FAM120C: variants seen among roughly 807,000 people sequenced by gnomAD.
FAM120C encodes the protein constitutive coactivator of PPAR-gamma-like protein 2.
Under a neutral mutation model 71.2 loss-of-function variants are expected in FAM120C, and 14 were observed. The observed-to-expected ratio is 0.20, with a 90% CI of 0.13 to 0.31. The LOEUF (loss-of-function observed/expected upper bound fraction) is 0.31, where lower values mean the gene tolerates loss of function less well. Among genes scored for constraint, FAM120C ranks in the 10% least tolerant of loss-of-function variants. The probability of loss-of-function intolerance (pLI) is 1.00; values close to 1 mark genes in which losing one functional copy is unlikely to be tolerated. For missense variants in FAM120C, 500 were observed against 879.0 expected, an observed-to-expected ratio of 0.57 and a Z score of 5.45; for synonymous variants, 354 against 353.2, an observed-to-expected ratio of 1.00 and a Z score of -0.03.
At chrX:54,137,231 G>A (rs1557130740) in intron 4 of FAM120C, among the ~76,000 whole-genome samples, 1 of 111,607 alleles carries the variant, frequency 9.0e-6, no homozygotes, top group African/African-American at 3.3e-5. Context: ...GGGATTACAG[G>A]CGTAAGCCAC....
chrX:54,080,696 C>T (rs2066760041), intron 14 of FAM120C, among the ~76,000 whole-genome samples: 1 of 109,205 alleles, frequency 9.2e-6, no homozygotes, highest in Non-Finnish European at 1.9e-5. Context: ...CCCATCTCTA[C>T]TAAAATACAA....
intron 13 of FAM120C, among the ~76,000 whole-genome samples, chrX:54,083,254 T>C (rs782355045): frequency 1.2e-4 from 13 of 110,613 alleles, no homozygotes; most frequent in Non-Finnish European, 2.5e-4. Context: ...AATTTTAGTT[T>C]ATGACAAGAA....
intron 10 of FAM120C, among the ~76,000 whole-genome samples, chrX:54,109,537 C>T (rs1415735176): frequency 1.9e-5 from 2 of 107,839 alleles, no homozygotes; most frequent in Admixed American, 1.0e-4. Context: ...ATCACTTTAG[C>T]GTAGGAGGTG....
At chrX:54,138,523 A>G (rs1455656509) in intron 4 of FAM120C, among the ~76,000 whole-genome samples, 2 of 97,720 alleles carry the variant, frequency 2.0e-5, no homozygotes, top group Non-Finnish European at 4.1e-5. Context: ...AAAAGAGTAC[A>G]TATAAAGTTC....
chrX:54,073,848 C>A (rs1369624113), intron 15 of FAM120C, among the ~76,000 whole-genome samples: 1 of 111,182 alleles, frequency 9.0e-6, no homozygotes, highest in Non-Finnish European at 1.9e-5. Flanking sequence ...TTTTTTTATA[C>A]AGGGTCTTGC....
intron 4 of FAM120C, among the ~76,000 whole-genome samples, chrX:54,139,413 T>C (rs1375201043): frequency 9.3e-6 from 1 of 107,501 alleles, no homozygotes; most frequent in Non-Finnish European, 1.9e-5. Flanking sequence ...TGGCACAATC[T>C]CGGCTCACTG....
chrX:54,080,787 C>T (rs1196685168), intron 14 of FAM120C, among the ~76,000 whole-genome samples: 25 of 103,113 alleles, frequency 2.4e-4, no homozygotes, highest in African/African-American at 6.1e-4. Flanking sequence ...GCTTGAACCC[C>T]GGAGGTGGAG....
intron 3 of FAM120C, among the ~76,000 whole-genome samples, chrX:54,155,081 G>A (rs1443377554): frequency 9.0e-6 from 1 of 111,483 alleles, no homozygotes; most frequent in Admixed American, 9.6e-5. Flanking sequence ...GCATGTGCCT[G>A]TAGTCCCAGC....
Position 54,112,831 on chromosome X carries a change from A to G in FAM120C, c.2312+3714T>C, listed in dbSNP as rs1247480435. Among the ~76,000 whole-genome samples the G allele has an allele frequency of 1.5e-4, 7 of 48,091 alleles. No homozygotes were observed. The East Asian group carries it at 5.1e-3, about 35-fold the overall frequency. The allele number at this position is 48,091 out of a possible 115,157, so 41.8% of individuals were successfully genotyped here. A position where few individuals can be genotyped will look rare whatever the true frequency, so the allele number is the denominator to read the frequency against. ...ACTCCAGCCTGGGTGACAGAGTGAG[A>G]CTCTGTCTCAAAAAAAAAAAAAAAA... On this transcript the variant is annotated intron_variant, in intron 10 of 15. Transcript: ENST00000375180.
intron 4 of FAM120C, among the ~76,000 whole-genome samples, chrX:54,151,010 C>T (rs150422022): frequency 1.7e-3 from 187 of 111,178 alleles, no homozygotes; most frequent in African/African-American, 5.9e-3. Flanking sequence ...CCACCGTGCC[C>T]GGACTAGAAT....
chrX:54,135,120 T>C lies in FAM120C; in HGVS notation c.1336-9A>G. ...GGCACTTGATGAGAAAACTAAACGA[T>C]AAAACAGACAGAAAAGCTATTTAAC... On this transcript the variant is annotated splice_polypyrimidine_tract_variant and intron_variant, in intron 6 of 15. Coordinates refer to ENST00000375180, the MANE Select transcript of FAM120C (RefSeq NM_017848.6). 1.7e-6 allele frequency: 2 copies of C among 1,177,211 alleles called. No individual in the cohort carries two copies. The highest frequency in any genetic ancestry group is 2.3e-6 in the Non-Finnish European group (2 of 878,438).
intron 10 of FAM120C, among the ~76,000 whole-genome samples, chrX:54,096,397 C>T (rs1169198504): frequency 1.8e-5 from 2 of 110,824 alleles, no homozygotes; most frequent in African/African-American, 3.3e-5. Context: ...GGCCACAGAG[C>T]GAGACTCTGT....
At chrX:54,136,189 G>A (rs1477310374) in intron 5 of FAM120C, among the ~76,000 whole-genome samples, 4 of 111,197 alleles carry the variant, frequency 3.6e-5, no homozygotes, top group South Asian at 7.6e-4. Context: ...TCATAGAGAC[G>A]GAGTTTCACC....
chrX:54,072,516 G>A lies in FAM120C; in HGVS notation c.*517C>T, dbSNP rs2066715381. 1.8e-5 allele frequency: 2 copies of A among 108,461 alleles called. No homozygotes were observed. Among genetic ancestry groups the A allele is most frequent in the Non-Finnish European group, 3.8e-5 (2 of 52,398 alleles). 8.9% of individuals were successfully genotyped at this position (108,461 alleles called of 1,213,427 possible). A position where few individuals can be genotyped will look rare whatever the true frequency, so the allele number is the denominator to read the frequency against. ...TAGAGGTGGTGGTACAAAATCCAGG[G>A]GTAGGTAAGTTGGAAGGAGTGAAGA... On this transcript the variant is annotated 3_prime_UTR_variant, in exon 16 of 16. Coordinates refer to ENST00000375180, the MANE Select transcript of FAM120C (RefSeq NM_017848.6).
chrX:54,113,865 G>A (rs782768615), intron 10 of FAM120C, among the ~76,000 whole-genome samples: 9 of 109,980 alleles, frequency 8.2e-5, no homozygotes, highest in African/African-American at 9.9e-5. Context: ...GCGGTGAGCC[G>A]AGATCGTGCC....
chrX:54,112,617 G>A (rs1176087936), intron 10 of FAM120C, among the ~76,000 whole-genome samples: 2 of 110,907 alleles, frequency 1.8e-5, no homozygotes, highest in South Asian at 3.8e-4. Context: ...TGAGGCGGGC[G>A]GATCACAAGG....
At chrX:54,145,332 A>C (rs1274464957) in intron 4 of FAM120C, among the ~76,000 whole-genome samples, 12 of 111,772 alleles carry the variant, frequency 1.1e-4, no homozygotes, top group African/African-American at 3.2e-4. Flanking sequence ...TAATTAAACT[A>C]AAGAGCTTCT....
At chrX:54,146,171 G>C (rs1374568526) in intron 4 of FAM120C, among the ~76,000 whole-genome samples, 5 of 110,504 alleles carry the variant, frequency 4.5e-5, no homozygotes, top group East Asian at 2.9e-4. Context: ...GTGGGGGAAG[G>C]GGGGAGGGAT....
chrX:54,165,903 C>G (rs781938157), intron 1 of FAM120C, among the ~76,000 whole-genome samples: 3 of 110,805 alleles, frequency 2.7e-5, no homozygotes, highest in African/African-American at 9.8e-5. Flanking sequence ...GGTCAATACT[C>G]TTGACTATAT....
Sources: allele counts gnomAD v4.1 joint callset (sites outside exome capture counted in the v4.1 genomes callset), GRCh38; gene constraint gnomAD v4.1.1; transcripts MANE v1.5; gene names NCBI Gene and HGNC (gene_info 2026-07-23, HGNC 2026-07-21).